CGGBP1: variants seen among roughly 807,000 people sequenced by gnomAD.
The protein encoded by CGGBP1 is CGG triplet repeat-binding protein 1.
A neutral mutation model predicts 11.4 loss-of-function variants in CGGBP1; 4 were observed. That is an observed-to-expected ratio of 0.35 (90% CI 0.17 to 0.80). CGGBP1 has a LOEUF of 0.80. CGGBP1 is among the 30% of genes least tolerant of loss of function. The probability of loss-of-function intolerance (pLI) is 0.52; values close to 1 mark genes in which losing one functional copy is unlikely to be tolerated. For missense variants in CGGBP1, 135 were observed against 202.1 expected (o/e 0.67, Z 2.01); for synonymous variants, 76 against 74.1 (o/e 1.03, Z -0.13).
intron 3 of CGGBP1, chr3:88,056,421 G>A (rs1416037177): frequency 6.5e-6 from 1 of 152,680 alleles, no homozygotes; most frequent in Non-Finnish European, 1.5e-5. Flanking sequence ...TGGGACAACT[G>A]ATTTTAGGAA....
intron 1 of CGGBP1, among the ~76,000 whole-genome samples, chr3:88,148,701 C>A (rs534168822): frequency 6.6e-6 from 1 of 152,292 alleles, no homozygotes; most frequent in East Asian, 1.9e-4. Flanking sequence ...GTGAGTGTGG[C>A]GCGATCTCGG....
chr3:88,108,470 TG>T (rs1704881002), intron 2 of CGGBP1, among the ~76,000 whole-genome samples: 1 of 152,216 alleles, frequency 6.6e-6, no homozygotes, highest in South Asian at 2.1e-4. Flanking sequence ...TTCTGCGGTT[TG>T]TTACCCATAG....
At chr3:88,120,405 A>G (rs1246656533) in intron 2 of CGGBP1, among the ~76,000 whole-genome samples, 7 of 152,206 alleles carry the variant, frequency 4.6e-5, no homozygotes, top group Admixed American at 6.5e-5. Flanking sequence ...AAAACCTTCT[A>G]AAGACTGCCT....
At chr3:88,132,980 T>G (rs1018155436) in intron 2 of CGGBP1, among the ~76,000 whole-genome samples, 1 of 152,208 alleles carries the variant, frequency 6.6e-6, no homozygotes, top group Non-Finnish European at 1.5e-5. Flanking sequence ...AGATAACTGC[T>G]ACCAGGGACA....
intron 2 of CGGBP1, among the ~76,000 whole-genome samples, chr3:88,117,115 T>C (rs1334480008): frequency 7.9e-5 from 12 of 152,232 alleles, no homozygotes; most frequent in Non-Finnish European, 1.5e-5. Context: ...AAATATTATA[T>C]AGAGATGGAA....
At chr3:88,100,444 A>C (rs1021525460) in intron 2 of CGGBP1, among the ~76,000 whole-genome samples, 3 of 152,160 alleles carry the variant, frequency 2.0e-5, no homozygotes, top group African/African-American at 7.2e-5. Context: ...AACTAGAAAT[A>C]CCATTTGACC....
intron 1 of CGGBP1, chr3:88,143,218 T>G (rs1193367512): frequency 6.6e-6 from 1 of 152,166 alleles, no homozygotes; most frequent in Non-Finnish European, 1.5e-5. Context: ...TCATGATAGA[T>G]CAGATGATTT....
In CGGBP1 at chr3:88,058,213, TCA is replaced by T. The variant is rs1260127098; in HGVS notation, c.-322_-321del. 6.6e-6 allele frequency: 1 copy of T among 152,230 alleles called. No individual in the cohort carries two copies. Among genetic ancestry groups the T allele is most frequent in the Non-Finnish European group, 1.5e-5 (1 of 68,050 alleles). The allele number at this position is 152,230 out of a possible 1,614,324, so 9.4% of individuals were successfully genotyped here. On this transcript the variant is annotated 5_prime_UTR_variant, in exon 2 of 4. The change abolishes an upstream ATG in the 5' untranslated region. Transcript: ENST00000482016. ...CGATTTTCCCTGTGGTGCCAGGAAGTCATGCCTTTACTGTAAAACACGAAAAA... is the reference window on the plus strand; with the variant it reads ...CGATTTTCCCTGTGGTGCCAGGAAGTTGCCTTTACTGTAAAACACGAAAAA...
At chr3:88,140,016 A>G (rs1707023519) in intron 2 of CGGBP1, 1 of 1,613,694 alleles carries the variant, frequency 6.2e-7, no homozygotes, top group Non-Finnish European at 8.5e-7. Context: ...AACAGTAATG[A>G]AGTGGAGCAA....
intron 2 of CGGBP1, among the ~76,000 whole-genome samples, chr3:88,068,991 C>T (rs1192396954): frequency 6.6e-6 from 1 of 152,062 alleles, no homozygotes; most frequent in Non-Finnish European, 1.5e-5. Flanking sequence ...CTGTAGCTTA[C>T]TAAAGCAGTT....
At chr3:88,121,903 A>G (rs1705792288) in intron 2 of CGGBP1, among the ~76,000 whole-genome samples, 1 of 152,170 alleles carries the variant, frequency 6.6e-6, no homozygotes, top group Non-Finnish European at 1.5e-5. Context: ...GCTTCCATTT[A>G]CACAGATTTC....
chr3:88,142,877 T>A (rs1374807480), intron 1 of CGGBP1: 1 of 152,270 alleles, frequency 6.6e-6, no homozygotes, highest in Middle Eastern at 3.2e-3. Context: ...AGATTTTAAC[T>A]TAATAAAGTG....
At chr3:88,127,689 A>G (rs538442404) in intron 2 of CGGBP1, among the ~76,000 whole-genome samples, 12 of 152,302 alleles carry the variant, frequency 7.9e-5, no homozygotes, top group Middle Eastern at 6.8e-3. Flanking sequence ...AGGATCTAGA[A>G]TAAACCTGTT....
chr3:88,123,032 AAG>A (rs1705873361), intron 2 of CGGBP1, among the ~76,000 whole-genome samples: 1 of 151,850 alleles, frequency 6.6e-6, no homozygotes, highest in South Asian at 2.1e-4. Context: ...AAAAAGTAAA[AAG>A]AAAAAAAGAA....
chr3:88,083,747 C>T lies in CGGBP1; in HGVS notation c.-228-25524G>A, dbSNP rs1708197516. Among the ~76,000 whole-genome samples, 3 of 152,032 alleles carry T rather than the reference C, an allele frequency of 2.0e-5. No homozygotes were observed. The South Asian group carries it at 6.2e-4, about 32-fold the overall frequency. On this transcript the variant is annotated intron_variant, in intron 2 of 3. Transcript: ENST00000462901. ...AAAACACTATTCTTATTTGTTTTAG[C>T]AGCTTCAGCGTTATCCTGGCCACCA...
chr3:88,129,868 C>A, intron 2 of CGGBP1: 2 of 1,344,812 alleles, frequency 1.5e-6, no homozygotes, highest in South Asian at 2.0e-5. Flanking sequence ...GTAAGATGGG[C>A]AACAGAAAGG....
At chr3:88,076,545 CTG>C (rs1431527354) in intron 2 of CGGBP1, among the ~76,000 whole-genome samples, 1 of 152,042 alleles carries the variant, frequency 6.6e-6, no homozygotes, top group Non-Finnish European at 1.5e-5. Flanking sequence ...AATTTTTCCA[CTG>C]TTAATTGTGA....
chr3:88,100,960 A>G (rs1704386558), intron 2 of CGGBP1, among the ~76,000 whole-genome samples: 1 of 152,204 alleles, frequency 6.6e-6, no homozygotes, highest in Non-Finnish European at 1.5e-5. Context: ...AAAGTATAAT[A>G]AAAGAAAACT....
At chr3:88,073,290 A>C (rs1164655790) in intron 2 of CGGBP1, among the ~76,000 whole-genome samples, 1 of 152,230 alleles carries the variant, frequency 6.6e-6, no homozygotes, top group Non-Finnish European at 1.5e-5. Context: ...GAGCCACTGG[A>C]CTAGAACATA....
Sources: allele counts gnomAD v4.1 joint callset (sites outside exome capture counted in the v4.1 genomes callset), GRCh38; gene constraint gnomAD v4.1.1; transcripts MANE v1.5; gene names NCBI Gene and HGNC (gene_info 2026-07-23, HGNC 2026-07-21).